Variants in RNLS observed in about 807,000 individuals in gnomAD.
The protein encoded by RNLS is renalase.
RNLS carries 39 observed loss-of-function variants against 39.8 expected under a neutral mutation model. That is an observed-to-expected ratio of 0.98 (90% CI 0.76 to 1.28). The LOEUF (loss-of-function observed/expected upper bound fraction) is 1.28, where lower values mean the gene tolerates loss of function less well. RNLS is among the 50% of genes most tolerant of loss of function. RNLS has a pLI of 0.00. For missense variants in RNLS, 410 were observed against 413.3 expected (o/e 0.99, Z 0.07); for synonymous variants, 147 against 150.7 (o/e 0.98, Z 0.18).
the RNLS span, among the ~76,000 whole-genome samples, chr10:88,226,034 A>C: frequency 6.6e-6 from 1 of 152,198 alleles, no homozygotes; most frequent in Middle Eastern, 3.2e-3. Flanking sequence ...AATTTGCTTA[A>C]TATTTTAAAA....
At chr10:88,495,955 G>A (rs1419035408) in intron 4 of RNLS, among the ~76,000 whole-genome samples, 2 of 152,142 alleles carry the variant, frequency 1.3e-5, no homozygotes, top group Non-Finnish European at 2.9e-5. Context: ...GCAGGATAGA[G>A]GAAGGCAGCT....
At chr10:88,383,687 A>G (rs1042613994) in intron 4 of RNLS, among the ~76,000 whole-genome samples, 1 of 152,192 alleles carries the variant, frequency 6.6e-6, no homozygotes, top group Non-Finnish European at 1.5e-5. Flanking sequence ...AGTAATTAAT[A>G]TAATGACATG....
chr10:88,224,895 A>G, the RNLS span, among the ~76,000 whole-genome samples: 2 of 152,208 alleles, frequency 1.3e-5, no homozygotes, highest in African/African-American at 4.8e-5. Flanking sequence ...CACTCCTATG[A>G]GATTGGACAT....
the RNLS span, among the ~76,000 whole-genome samples, chr10:88,250,356 G>C: frequency 6.6e-6 from 1 of 152,176 alleles, no homozygotes; most frequent in Non-Finnish European, 1.5e-5. Flanking sequence ...AAATTCTTTG[G>C]AAGTCTCCAT....
At chr10:88,498,694 T>C (rs1011285074) in intron 4 of RNLS, among the ~76,000 whole-genome samples, 13 of 151,878 alleles carry the variant, frequency 8.6e-5, no homozygotes, top group Non-Finnish European at 1.5e-5. Flanking sequence ...AGGCACACAA[T>C]GGAGTATATA....
intron 4 of RNLS, among the ~76,000 whole-genome samples, chr10:88,395,321 A>G (rs1852492835): frequency 6.6e-6 from 1 of 151,862 alleles, no homozygotes; most frequent in Non-Finnish European, 1.5e-5. Context: ...GTTGCATTCA[A>G]AGAATTAAAG....
chr10:88,237,410 C>T, the RNLS span, among the ~76,000 whole-genome samples: 2 of 152,104 alleles, frequency 1.3e-5, no homozygotes, highest in Admixed American at 1.3e-4. Flanking sequence ...AATCAAGGTG[C>T]CTCTGTCTAC....
intron 4 of RNLS, among the ~76,000 whole-genome samples, chr10:88,389,595 T>C (rs1192385161): frequency 6.6e-6 from 1 of 151,406 alleles, no homozygotes; most frequent in Non-Finnish European, 1.5e-5. Context: ...AGGGATTTCT[T>C]AACTGAGTTG....
At chr10:88,263,297 A>G in the RNLS span, among the ~76,000 whole-genome samples, 3 of 152,114 alleles carry the variant, frequency 2.0e-5, no homozygotes, top group African/African-American at 7.2e-5. Flanking sequence ...GAAAGGGGGC[A>G]TGTGGGATCT....
intron 4 of RNLS, among the ~76,000 whole-genome samples, chr10:88,423,337 G>T (rs1854520802): frequency 6.6e-6 from 1 of 152,154 alleles, no homozygotes; most frequent in Non-Finnish European, 1.5e-5. Context: ...ATTAGAACAG[G>T]TTCTGTTCAT....
At chr10:88,279,601 C>T (rs534361669), downstream of RNLS, among the ~76,000 whole-genome samples, 1 of 91,034 alleles carries the variant, frequency 1.1e-5, no homozygotes, top group African/African-American at 4.6e-5. Context: ...AATCTGCATA[C>T]TTAGCCAAAC....
At chr10:88,267,514 G>A in the RNLS span, among the ~76,000 whole-genome samples, 16 of 152,124 alleles carry the variant, frequency 1.1e-4, no homozygotes, top group African/African-American at 3.6e-4. Flanking sequence ...ATTTCAAGGC[G>A]CAGTGAGCTA....
At chr10:88,439,174 T>C (rs1172288142) in intron 4 of RNLS, among the ~76,000 whole-genome samples, 3 of 152,210 alleles carry the variant, frequency 2.0e-5, no homozygotes, top group Non-Finnish European at 4.4e-5. Flanking sequence ...AAGACTCTTT[T>C]CAGTCATAAA....
At chr10:88,265,505 T>C in the RNLS span, among the ~76,000 whole-genome samples, 2 of 152,098 alleles carry the variant, frequency 1.3e-5, no homozygotes, top group Non-Finnish European at 2.9e-5. Context: ...TTCCATTTGT[T>C]TGTGTTGTCT....
chr10:88,387,794 C>G (rs1011645294), intron 4 of RNLS, among the ~76,000 whole-genome samples: 1 of 152,116 alleles, frequency 6.6e-6, no homozygotes, highest in Non-Finnish European at 1.5e-5. Flanking sequence ...TCCTGTAGGA[C>G]AGAGGGAAGC....
chr10:88,359,243 G>A (rs893491675), intron 5 of RNLS, among the ~76,000 whole-genome samples: 2 of 151,998 alleles, frequency 1.3e-5, no homozygotes, highest in South Asian at 2.1e-4. Context: ...TTAAGCTCAG[G>A]AGGCAGAGGT....
the RNLS span, among the ~76,000 whole-genome samples, chr10:88,264,990 T>A: frequency 6.6e-6 from 1 of 152,248 alleles, no homozygotes; most frequent in Non-Finnish European, 1.5e-5. Context: ...AAGTCTTTGA[T>A]CCTTCTTGAG....
At chr10:88,554,968 G>A (rs1485717421) in intron 4 of RNLS, among the ~76,000 whole-genome samples, 1 of 152,078 alleles carries the variant, frequency 6.6e-6, no homozygotes, top group Non-Finnish European at 1.5e-5. Flanking sequence ...TGTCTATTCC[G>A]TGCCATTCTC....
the RNLS span, among the ~76,000 whole-genome samples, chr10:88,207,549 A>G: frequency 6.6e-6 from 1 of 152,208 alleles, no homozygotes; most frequent in East Asian, 1.9e-4. Flanking sequence ...AAGCATGTAG[A>G]GCAAATGGGA....
Sources: gnomAD v4.1 joint callset for allele counts (sites outside exome capture counted in the v4.1 genomes callset) on GRCh38, gnomAD v4.1.1 for gene constraint, MANE v1.5 for transcripts, NCBI Gene and HGNC (gene_info 2026-07-23, HGNC 2026-07-21) for gene names.